The following ULK4 variants were observed in gnomAD, a reference collection of about 807,000 sequenced individuals.
ULK4 encodes unc-51 like kinase 4.
ULK4 carries 133 observed loss-of-function variants against 160.6 expected under a neutral mutation model. The observed-to-expected ratio is 0.83, with a 90% CI of 0.72 to 0.96. The LOEUF (loss-of-function observed/expected upper bound fraction) is 0.96, where lower values mean the gene tolerates loss of function less well. Ranked by LOEUF, ULK4 falls within the 40% of genes least tolerant of loss-of-function variation. The pLI is 0.00. For missense variants in ULK4, 1,580 were observed against 1,499.5 expected, an observed-to-expected ratio of 1.05 and a Z score of -0.89; for synonymous variants, 534 against 539.8, an observed-to-expected ratio of 0.99 and a Z score of 0.15.
rs112218889 is a variant in ULK4, at chr3:41,475,956, G to A, written c.3227-12703C>T. ...AGGAAGGAGGGAGAAGGGAGGAAAGGATGGAGGGAAAGAGGGAGGGAGGCA... is the reference window on the plus strand; with the variant it reads ...AGGAAGGAGGGAGAAGGGAGGAAAGAATGGAGGGAAAGAGGGAGGGAGGCA... On this transcript the variant is annotated intron_variant, in intron 32 of 36. Transcript: ENST00000301831. Among the ~76,000 whole-genome samples the A allele has an allele frequency of 7.2e-4, 108 of 150,692 alleles. 1 individual carries two copies. Among genetic ancestry groups the A allele is most frequent in the African/African-American group, 2.4e-3 (100 of 41,108 alleles).
At chr3:41,943,802 C>G (rs1462672544) in intron 2 of ULK4, among the ~76,000 whole-genome samples, 2 of 152,144 alleles carry the variant, frequency 1.3e-5, no homozygotes, top group Non-Finnish European at 2.9e-5. Flanking sequence ...ATCCCAACCC[C>G]CCTCAAACTT....
chr3:41,275,431 A>G (rs2079213087), intron 35 of ULK4, among the ~76,000 whole-genome samples: 1 of 152,240 alleles, frequency 6.6e-6, no homozygotes, highest in Non-Finnish European at 1.5e-5. Flanking sequence ...ACCATTAAGT[A>G]CACAGAAACA....
At chr3:41,896,480 C>T (rs1426072828) in intron 15 of ULK4, among the ~76,000 whole-genome samples, 1 of 152,148 alleles carries the variant, frequency 6.6e-6, no homozygotes, top group Admixed American at 6.6e-5. Flanking sequence ...TTTCGAACTC[C>T]TGACCTCAGG....
At chr3:41,346,761 G>A (rs2080808651) in intron 35 of ULK4, among the ~76,000 whole-genome samples, 1 of 152,162 alleles carries the variant, frequency 6.6e-6, no homozygotes, top group African/African-American at 2.4e-5. Context: ...AATTGAAAAA[G>A]AAGACAGCAA....
chr3:41,935,973 AC>A, intron 3 of ULK4, 33 bp from the exon 4 acceptor site: 1 of 1,576,154 alleles, frequency 6.3e-7, no homozygotes, highest in Admixed American at 1.9e-5. Flanking sequence ...ACCCATTTCA[AC>A]CCCCTACCAT....
intron 30 of ULK4, among the ~76,000 whole-genome samples, chr3:41,649,278 AG>A (rs909420165): frequency 1.4e-4 from 21 of 152,140 alleles, no homozygotes; most frequent in Non-Finnish European, 2.6e-4. Context: ...TGCCAGCTGT[AG>A]TGGGGGAGGT....
At chr3:41,515,548 T>G (rs1249631176) in intron 32 of ULK4, among the ~76,000 whole-genome samples, 1 of 152,160 alleles carries the variant, frequency 6.6e-6, no homozygotes, top group African/African-American at 2.4e-5. Flanking sequence ...GTTCTGCATG[T>G]GAGTCATGGC....
intron 17 of ULK4, chr3:41,869,100 AT>A (rs1194392037): frequency 1.3e-5 from 2 of 152,108 alleles, no homozygotes; most frequent in Non-Finnish European, 2.9e-5. Context: ...TTAGCCAAGT[AT>A]TCCTTTTTAT....
At chr3:41,669,573 T>C (rs1421323836) in intron 29 of ULK4, among the ~76,000 whole-genome samples, 2 of 152,134 alleles carry the variant, frequency 1.3e-5, no homozygotes. Context: ...GTATATGAAT[T>C]TTAACACAGA....
At chr3:41,346,583 A>C (rs572230244) in intron 35 of ULK4, among the ~76,000 whole-genome samples, 2 of 152,304 alleles carry the variant, frequency 1.3e-5, no homozygotes, top group Non-Finnish European at 2.9e-5. Context: ...AGGGAGGCTG[A>C]AAGGGGTATG....
intron 32 of ULK4, among the ~76,000 whole-genome samples, chr3:41,485,061 G>GT (rs1430365625): frequency 1.3e-5 from 2 of 152,060 alleles, no homozygotes; most frequent in Non-Finnish European, 2.9e-5. Flanking sequence ...CATGTGCCAG[G>GT]TATTATTCTA....
chr3:41,505,408 C>T (rs956343522), intron 32 of ULK4, among the ~76,000 whole-genome samples: 14 of 152,148 alleles, frequency 9.2e-5, no homozygotes, highest in African/African-American at 2.6e-4. Flanking sequence ...TAACAGTGGT[C>T]GCAATTCATT....
chr3:41,369,521 G>A lies in ULK4; in HGVS notation c.3678+28558C>T, dbSNP rs145636270. ...AAAAAAAAAAAAAATGGCAGAGCAC[G>A]GTGGCTCACGCCTGTCATCCCAGCA... On this transcript the variant is annotated intron_variant, in intron 35 of 36. Coordinates refer to ENST00000301831, the MANE Select transcript of ULK4 (RefSeq NM_017886.4). 2.0e-3 allele frequency among the ~76,000 whole-genome samples: 311 copies of A among 151,752 alleles called. 2 individuals carry two copies. In the Middle Eastern group the frequency reaches 0.038, roughly 18 times the overall value.
intron 34 of ULK4, among the ~76,000 whole-genome samples, chr3:41,426,880 C>T (rs147115287): frequency 6.6e-6 from 1 of 152,028 alleles, no homozygotes; most frequent in Non-Finnish European, 1.5e-5. Context: ...AGCAAACAAA[C>T]CCCAAAACTC....
At chr3:41,707,196 T>C (rs2036932870) in intron 25 of ULK4, among the ~76,000 whole-genome samples, 1 of 152,146 alleles carries the variant, frequency 6.6e-6, no homozygotes, top group Non-Finnish European at 1.5e-5. Context: ...AAGCTATACA[T>C]AGTTCATACA....
intron 25 of ULK4, among the ~76,000 whole-genome samples, chr3:41,706,863 G>A (rs1226452581): frequency 6.5e-5 from 8 of 123,842 alleles, no homozygotes; most frequent in African/African-American, 3.3e-4. Context: ...GTGTGTGTGT[G>A]TGTGTGTGTG....
chr3:41,353,709 T>C (rs527260490), intron 35 of ULK4, among the ~76,000 whole-genome samples: 1,800 of 110,406 alleles, frequency 0.016, 15 homozygotes, highest in Non-Finnish European at 0.024. Flanking sequence ...TTACTACTAC[T>C]ACTACTACTA....
intron 35 of ULK4, among the ~76,000 whole-genome samples, chr3:41,336,527 T>C (rs1233315158): frequency 6.6e-6 from 1 of 152,208 alleles, no homozygotes; most frequent in Non-Finnish European, 1.5e-5. Context: ...AGTCAACACA[T>C]GCCTTATGGC....
At chr3:41,421,781 C>A (rs1454884357) in intron 34 of ULK4, among the ~76,000 whole-genome samples, 3 of 151,992 alleles carry the variant, frequency 2.0e-5, no homozygotes, top group African/African-American at 7.2e-5. Context: ...TGAAAATGAA[C>A]CAGGAAGCTT....
Sources: gnomAD v4.1 joint callset for allele counts (sites outside exome capture counted in the v4.1 genomes callset) on GRCh38, gnomAD v4.1.1 for gene constraint, MANE v1.5 for transcripts, NCBI Gene and HGNC (gene_info 2026-07-23, HGNC 2026-07-21) for gene names.